OPCML: variants seen among roughly 807,000 people sequenced by gnomAD.
The protein encoded by OPCML is opioid binding protein/cell adhesion molecule like, also known as opioid-binding protein/cell adhesion molecule.
A neutral mutation model predicts 37.8 loss-of-function variants in OPCML; 13 were observed. The ratio of observed to expected loss-of-function variants is 0.34; its 90% CI spans 0.22 to 0.55. The LOEUF is 0.55. Ranked by LOEUF, OPCML falls within the 20% of genes least tolerant of loss-of-function variation. The pLI is 0.91. For synonymous variants in OPCML, 176 were observed against 168.8 expected (o/e 1.04, Z -0.33); for missense variants, 341 against 435.6 (o/e 0.78, Z 1.93).
chr11:133,374,298 G>T (rs112124381), intron 1 of OPCML, among the ~76,000 whole-genome samples: 1 of 152,222 alleles, frequency 6.6e-6, no homozygotes, highest in African/African-American at 2.4e-5. Context: ...TCTGGAAATA[G>T]AATGTAGATT....
intron 1 of OPCML, among the ~76,000 whole-genome samples, chr11:133,451,216 A>G (rs1309319770): frequency 6.6e-6 from 1 of 151,722 alleles, no homozygotes. Flanking sequence ...TAACTATAAA[A>G]TCTGGATACA....
At chr11:133,083,597 T>C (rs1242145316) in intron 1 of OPCML, among the ~76,000 whole-genome samples, 1 of 152,230 alleles carries the variant, frequency 6.6e-6, no homozygotes, top group Non-Finnish European at 1.5e-5. Context: ...TTCAGTTGCA[T>C]GTTCGCCACT....
chr11:132,992,508 A>G (rs1448826747), intron 1 of OPCML, among the ~76,000 whole-genome samples: 1 of 151,978 alleles, frequency 6.6e-6, no homozygotes, highest in Non-Finnish European at 1.5e-5. Context: ...ACTTTTTGCC[A>G]AGCAGTGTTT....
At chr11:132,470,401 T>C (rs907373398) in intron 4 of OPCML, among the ~76,000 whole-genome samples, 4 of 152,086 alleles carry the variant, frequency 2.6e-5, no homozygotes, top group Non-Finnish European at 5.9e-5. Flanking sequence ...ATGAGATGGA[T>C]AGCCGTGTCA....
chr11:132,711,642 C>G (rs953158928), intron 2 of OPCML, among the ~76,000 whole-genome samples: 5 of 152,060 alleles, frequency 3.3e-5, no homozygotes, highest in Non-Finnish European at 7.4e-5. Flanking sequence ...CCACATAGAA[C>G]CATTGCGTGT....
At chr11:132,974,486 A>T (rs1946412689) in intron 1 of OPCML, among the ~76,000 whole-genome samples, 1 of 152,206 alleles carries the variant, frequency 6.6e-6, no homozygotes, top group Non-Finnish European at 1.5e-5. Flanking sequence ...GGCGATCATT[A>T]AAAAGTCAGG....
chr11:133,467,037 T>C (rs539832110), intron 1 of OPCML, among the ~76,000 whole-genome samples: 19 of 152,276 alleles, frequency 1.2e-4, no homozygotes, highest in Non-Finnish European at 1.6e-4. Flanking sequence ...AGAAAGCTGT[T>C]GCTTTTTGCA....
intron 2 of OPCML, among the ~76,000 whole-genome samples, chr11:132,668,109 G>A (rs933347123): frequency 6.6e-6 from 1 of 152,166 alleles, no homozygotes; most frequent in African/African-American, 2.4e-5. Context: ...AAGTCCTTGA[G>A]CAAATCAGCT....
At chr11:132,798,587 C>T (rs1193644236) in intron 2 of OPCML, among the ~76,000 whole-genome samples, 1 of 152,216 alleles carries the variant, frequency 6.6e-6, no homozygotes, top group East Asian at 1.9e-4. Flanking sequence ...GCTGTTTCAG[C>T]ACATTTGCAG....
At chr11:132,663,999 A>AT (rs1411218076) in intron 2 of OPCML, among the ~76,000 whole-genome samples, 2 of 151,834 alleles carry the variant, frequency 1.3e-5, no homozygotes, top group South Asian at 2.1e-4. Context: ...CGCCCGGCTA[A>AT]TTTTTTGTAT....
chr11:132,603,087 C>T (rs1476670111), intron 3 of OPCML, among the ~76,000 whole-genome samples: 1 of 152,128 alleles, frequency 6.6e-6, no homozygotes, highest in Admixed American at 6.5e-5. Context: ...TCTCTATTTC[C>T]ATCCTAGTTT....
At chr11:133,117,023 T>C (rs1023284781) in intron 1 of OPCML, among the ~76,000 whole-genome samples, 21 of 152,126 alleles carry the variant, frequency 1.4e-4, no homozygotes, top group African/African-American at 4.6e-4. Flanking sequence ...CTGTTATCTA[T>C]TTAATTCCAT....
At chr11:133,360,205 A>G (rs1175717822) in intron 1 of OPCML, 1 of 152,274 alleles carries the variant, frequency 6.6e-6, no homozygotes, top group Non-Finnish European at 1.5e-5. Context: ...TTTTGAAAGC[A>G]CATAATTAGA....
In OPCML at chr11:132,452,437, C is replaced by T. The variant is rs938890646; in HGVS notation, c.506-15078G>A. ...AGCGACAGCACCTCACACTGGGTGA[C>T]GATGAAGCTGGATCTAAAAGCTGTG... On this transcript the variant is annotated intron_variant, in intron 4 of 7. Coordinates refer to ENST00000524381, the MANE Select transcript of OPCML (RefSeq NM_001012393.5). Among the ~76,000 whole-genome samples, 7 of 152,208 alleles carry T rather than the reference C, an allele frequency of 4.6e-5. No individual in the cohort carries two copies. The South Asian group carries it at 6.2e-4, about 14-fold the overall frequency.
chr11:133,235,199 T>G (rs1940456602), intron 1 of OPCML, among the ~76,000 whole-genome samples: 1 of 152,184 alleles, frequency 6.6e-6, no homozygotes, highest in Non-Finnish European at 1.5e-5. Context: ...ATTGGTCAGT[T>G]GCATTTTGTG....
chr11:132,492,554 G>A (rs1430229626), intron 4 of OPCML, among the ~76,000 whole-genome samples: 1 of 152,056 alleles, frequency 6.6e-6, no homozygotes, highest in Non-Finnish European at 1.5e-5. Context: ...GGGGGAGAAT[G>A]AGGAAGAAAC....
At chr11:133,087,705 C>T (rs1235502731) in intron 1 of OPCML, among the ~76,000 whole-genome samples, 1 of 152,106 alleles carries the variant, frequency 6.6e-6, no homozygotes, top group Non-Finnish European at 1.5e-5. Flanking sequence ...TCTAACATGC[C>T]AGCGTGCCAG....
At chr11:132,924,026 G>A (rs1565968444) in intron 2 of OPCML, among the ~76,000 whole-genome samples, 1 of 151,790 alleles carries the variant, frequency 6.6e-6, no homozygotes, top group African/African-American at 2.4e-5. Flanking sequence ...GCCTCCCAAA[G>A]TGCTGAGATT....
intron 2 of OPCML, among the ~76,000 whole-genome samples, chr11:132,928,469 T>C (rs910617728): frequency 6.6e-6 from 1 of 151,996 alleles, no homozygotes; most frequent in Non-Finnish European, 1.5e-5. Flanking sequence ...CATCTGAATA[T>C]ATGAAACTAA....
Sources: gnomAD v4.1 joint callset for allele counts (sites outside exome capture counted in the v4.1 genomes callset) on GRCh38, gnomAD v4.1.1 for gene constraint, MANE v1.5 for transcripts, NCBI Gene and HGNC (gene_info 2026-07-23, HGNC 2026-07-21) for gene names.